CACNA2D1: variants seen among roughly 807,000 people sequenced by gnomAD.
The protein encoded by CACNA2D1 is calcium voltage-gated channel auxiliary subunit alpha2delta 1, also known as voltage-dependent calcium channel subunit alpha-2/delta-1.
CACNA2D1 carries 53 observed loss-of-function variants against 171.5 expected under a neutral mutation model. That is an observed-to-expected ratio of 0.31 (90% CI 0.25 to 0.39). CACNA2D1 has a LOEUF of 0.39. Ranked by LOEUF, CACNA2D1 falls within the 10% of genes least tolerant of loss-of-function variation. CACNA2D1 has a pLI of 1.00. For missense variants in CACNA2D1, 903 were observed against 1,299.8 expected, an observed-to-expected ratio of 0.69 and a Z score of 4.69; for synonymous variants, 442 against 443.1, an observed-to-expected ratio of 1.00 and a Z score of 0.03.
At chr7:82,121,912 CAATT>C (rs1192077550) in intron 5 of CACNA2D1, among the ~76,000 whole-genome samples, 1 of 151,932 alleles carries the variant, frequency 6.6e-6, no homozygotes, top group African/African-American at 2.4e-5. Context: ...TCTTCAGAAG[CAATT>C]TATTTAACAT....
At chr7:82,192,654 G>A (rs1798456005) in intron 3 of CACNA2D1, among the ~76,000 whole-genome samples, 1 of 151,532 alleles carries the variant, frequency 6.6e-6, no homozygotes, top group Non-Finnish European at 1.5e-5. Flanking sequence ...CTTTGACTGA[G>A]CCAACTGCCT....
intron 7 of CACNA2D1, among the ~76,000 whole-genome samples, chr7:82,073,927 G>A (rs1247478199): frequency 2.0e-5 from 3 of 152,104 alleles, no homozygotes; most frequent in Non-Finnish European, 2.9e-5. Context: ...TGAATGATAA[G>A]ATGCACACAA....
At chr7:82,415,135 T>G (rs940702704) in intron 1 of CACNA2D1, among the ~76,000 whole-genome samples, 1 of 152,184 alleles carries the variant, frequency 6.6e-6, no homozygotes, top group African/African-American at 2.4e-5. Context: ...AGATCCCCTG[T>G]GGTTGCACCA....
At chr7:81,964,033 A>G (rs1435974915) in intron 34 of CACNA2D1, 23 bp downstream of exon 34, 2 of 1,604,786 alleles carry the variant, frequency 1.2e-6, no homozygotes, top group Non-Finnish European at 1.7e-6. Flanking sequence ...TTCATTACCA[A>G]TAAAACTAAA....
intron 1 of CACNA2D1, among the ~76,000 whole-genome samples, chr7:82,386,994 T>C (rs867061645): frequency 6.6e-6 from 1 of 151,998 alleles, no homozygotes; most frequent in Non-Finnish European, 1.5e-5. Flanking sequence ...TTAATGTATA[T>C]AGTATAAAGT....
At chr7:82,264,857 G>T (rs942810264) in intron 3 of CACNA2D1, among the ~76,000 whole-genome samples, 1 of 152,204 alleles carries the variant, frequency 6.6e-6, no homozygotes, top group Non-Finnish European at 1.5e-5. Context: ...ACTTACAGAT[G>T]AAAATATATA....
intron 3 of CACNA2D1, among the ~76,000 whole-genome samples, chr7:82,257,641 TAA>T (rs964238082): frequency 5.3e-4 from 81 of 152,324 alleles, no homozygotes; most frequent in African/African-American, 1.9e-3. Context: ...GGAATAATCA[TAA>T]ACATCTCTCC....
At chr7:82,438,237 T>C (rs1462485416) in intron 1 of CACNA2D1, among the ~76,000 whole-genome samples, 1 of 152,180 alleles carries the variant, frequency 6.6e-6, no homozygotes, top group Non-Finnish European at 1.5e-5. Context: ...ACCTAAGGTA[T>C]GCACACTTGT....
chr7:82,270,078 C>G (rs1352231666), intron 3 of CACNA2D1, among the ~76,000 whole-genome samples: 1 of 152,166 alleles, frequency 6.6e-6, no homozygotes, highest in Non-Finnish European at 1.5e-5. Flanking sequence ...GTTTCCATAT[C>G]TTGAATTCCA....
At chr7:82,336,612 T>G (rs1036548099) in intron 2 of CACNA2D1, among the ~76,000 whole-genome samples, 1 of 152,170 alleles carries the variant, frequency 6.6e-6, no homozygotes, top group African/African-American at 2.4e-5. Context: ...ACTGGATTGC[T>G]TATGCTTTCT....
rs757261915 is a variant in CACNA2D1 at position 82,066,448 on chromosome 7, T to G, written c.728+7A>C. ...TTATCTTTTCATGGCTAGCTAAAAATTCTTACCATGGTCTTCTGCGTACAT... is the reference window on the plus strand; with the variant it reads ...TTATCTTTTCATGGCTAGCTAAAAAGTCTTACCATGGTCTTCTGCGTACAT... On this transcript the variant is annotated splice_region_variant and intron_variant, in intron 8 of 38. Coordinates refer to ENST00000356860, the MANE Select transcript of CACNA2D1 (RefSeq NM_000722.4). 1 of 1,611,558 alleles carries G rather than the reference T, an allele frequency of 6.2e-7. No individual in the cohort carries two copies. The highest frequency in any genetic ancestry group is 8.5e-7 in the Non-Finnish European group (1 of 1,178,902).
intron 7 of CACNA2D1, among the ~76,000 whole-genome samples, chr7:82,069,873 T>G (rs1808116761): frequency 6.6e-6 from 1 of 152,174 alleles, no homozygotes; most frequent in Non-Finnish European, 1.5e-5. Flanking sequence ...AGTCTTAGTC[T>G]CATGATAATT....
intron 2 of CACNA2D1, among the ~76,000 whole-genome samples, chr7:82,342,053 CAAAAAAAAAA>C (rs60799157): frequency 9.2e-5 from 6 of 65,492 alleles, no homozygotes; most frequent in African/African-American, 3.3e-4. Context: ...GACTCCGTCT[CAAAAAAAAAA>C]AAAAAAAAAA....
At chr7:82,382,665 A>G (rs1324126667) in intron 1 of CACNA2D1, among the ~76,000 whole-genome samples, 2 of 152,202 alleles carry the variant, frequency 1.3e-5, no homozygotes, top group Admixed American at 1.3e-4. Context: ...TAGTTGTCTA[A>G]GTAAGTGTAA....
intron 6 of CACNA2D1, among the ~76,000 whole-genome samples, chr7:82,113,447 C>T (rs561059350): frequency 6.6e-6 from 1 of 152,064 alleles, no homozygotes; most frequent in African/African-American, 2.4e-5. Flanking sequence ...AAAGGAGCAA[C>T]CAGTGAAATT....
chr7:82,182,192 T>G (rs757713625), intron 3 of CACNA2D1, among the ~76,000 whole-genome samples: 6 of 152,146 alleles, frequency 3.9e-5, no homozygotes, highest in Admixed American at 6.6e-5. Flanking sequence ...TTTCATTTTA[T>G]TTTAGTATTC....
At chr7:82,430,274 C>T (rs1829561341) in intron 1 of CACNA2D1, among the ~76,000 whole-genome samples, 1 of 151,792 alleles carries the variant, frequency 6.6e-6, no homozygotes, top group South Asian at 2.1e-4. Flanking sequence ...AAAAATTAGC[C>T]AGGCATGGTG....
At chr7:82,107,808 T>A (rs1271103449) in intron 6 of CACNA2D1, among the ~76,000 whole-genome samples, 5 of 151,928 alleles carry the variant, frequency 3.3e-5, no homozygotes, top group Admixed American at 6.6e-5. Flanking sequence ...GGTCTCGAAC[T>A]CCTGACCTCA....
intron 12 of CACNA2D1, among the ~76,000 whole-genome samples, chr7:82,016,464 A>T (rs1307110451): frequency 6.6e-6 from 1 of 150,926 alleles, no homozygotes; most frequent in African/African-American, 2.5e-5. Context: ...CAGTAAAAAA[A>T]TAAACAAGTA....
Sources: gnomAD v4.1 joint callset for allele counts (sites outside exome capture counted in the v4.1 genomes callset) on GRCh38, gnomAD v4.1.1 for gene constraint, MANE v1.5 for transcripts, NCBI Gene and HGNC (gene_info 2026-07-23, HGNC 2026-07-21) for gene names.